The following TEKTL1 variants were observed in gnomAD, a reference collection of about 807,000 sequenced individuals.
TEKTL1 encodes the protein tektin-like protein 1.
At chr19:15,021,316 G>A in the TEKTL1 span, 2 of 1,606,676 alleles carry the variant, frequency 1.2e-6, no homozygotes, top group South Asian at 1.1e-5. Flanking sequence ...GGGAACGGAG[G>A]ACTTGGCACC....
the TEKTL1 span, among the ~76,000 whole-genome samples, chr19:15,011,679 A>G: frequency 6.6e-6 from 1 of 150,460 alleles, no homozygotes; most frequent in African/African-American, 2.5e-5. Flanking sequence ...GGTTGCAGTG[A>G]GCCGAGATCG....
At chr19:15,014,738 C>CGGGGGGGGGGGGGGGGGGGGGG in the TEKTL1 span, among the ~76,000 whole-genome samples, 1 of 29,804 alleles carries the variant, frequency 3.4e-5, no homozygotes, top group African/African-American at 1.3e-4. Context: ...GGGCGGGGGG[C>CGGGGGGGGGGGGGGGGGGGGGG]GGGGGCTGCT....
At chr19:15,021,490 C>T in the TEKTL1 span, 7 of 1,614,200 alleles carry the variant, frequency 4.3e-6, no homozygotes, top group South Asian at 6.6e-5. Flanking sequence ...CTCGCTGGCG[C>T]AGAAGGCGAG....
the TEKTL1 span, among the ~76,000 whole-genome samples, chr19:15,020,879 CT>C: frequency 0.27 from 38,397 of 144,724 alleles, 5,253 homozygotes; most frequent in Middle Eastern, 0.31. Flanking sequence ...ACAGGCTCTG[CT>C]TTTTTTTTTT....
the TEKTL1 span, among the ~76,000 whole-genome samples, chr19:15,019,396 C>CA: frequency 6.6e-6 from 1 of 151,998 alleles, no homozygotes; most frequent in Non-Finnish European, 1.5e-5. Context: ...GAACTTACTA[C>CA]AAAAAAATGA....
At chr19:15,021,572 G>A in the TEKTL1 span, 8 of 1,613,236 alleles carry the variant, frequency 5.0e-6, no homozygotes, top group African/African-American at 1.3e-5. Context: ...GAGGAGACGC[G>A]GACTGGGAGC....
chr19:15,013,517 G>C, the TEKTL1 span, among the ~76,000 whole-genome samples: 7 of 152,010 alleles, frequency 4.6e-5, no homozygotes, highest in South Asian at 1.0e-3. Context: ...CCTTCTCAAA[G>C]AGTGAGACAC....
chr19:15,012,199 G>T, the TEKTL1 span, among the ~76,000 whole-genome samples: 3 of 152,032 alleles, frequency 2.0e-5, no homozygotes, highest in African/African-American at 7.2e-5. Context: ...GTTTGAGGCT[G>T]CAGTAAGCTA....
chr19:15,013,853 TG>T, the TEKTL1 span: 12 of 833,370 alleles, frequency 1.4e-5, no homozygotes, highest in South Asian at 1.3e-4. Context: ...CACTCTGACC[TG>T]GGGACTGTCA....
the TEKTL1 span, chr19:15,021,726 G>T: frequency 6.2e-6 from 10 of 1,613,620 alleles, no homozygotes; most frequent in Non-Finnish European, 8.5e-6. Flanking sequence ...GGTTCGGGGT[G>T]AGAGCCTTCG....
the TEKTL1 span, among the ~76,000 whole-genome samples, chr19:15,018,561 A>T: frequency 6.7e-6 from 1 of 149,940 alleles, no homozygotes; most frequent in Non-Finnish European, 1.5e-5. Flanking sequence ...TTAAAAAAAA[A>T]TAATTAGCCA....
the TEKTL1 span, chr19:15,021,457 C>T: frequency 6.2e-7 from 1 of 1,614,226 alleles, no homozygotes; most frequent in South Asian, 1.1e-5. Context: ...GCAACAGCTG[C>T]AGATAAGCGA....
chr19:15,013,541 TGAGA>T, the TEKTL1 span: 1 of 647,204 alleles, frequency 1.5e-6, no homozygotes, highest in Non-Finnish European at 2.6e-6. Context: ...ACCCAAAGGA[TGAGA>T]GTACCCTCAA....
At chr19:15,011,034 C>A in the TEKTL1 span, 1 of 1,578,884 alleles carries the variant, frequency 6.3e-7, no homozygotes. Context: ...TACATCCAGC[C>A]CTGGCGCTTC....
the TEKTL1 span, chr19:15,020,787 G>A: frequency 1.3e-6 from 1 of 751,240 alleles, no homozygotes; most frequent in Middle Eastern, 3.8e-4. Context: ...AGGACTGAAA[G>A]CCTATCATGC....
the TEKTL1 span, among the ~76,000 whole-genome samples, chr19:15,016,411 A>C: frequency 1.1e-5 from 1 of 94,766 alleles, no homozygotes; most frequent in Non-Finnish European, 2.1e-5. Flanking sequence ...GCTGGTCTCA[A>C]ACTCCTGACC....
At chr19:15,010,951 G>T in the TEKTL1 span, 1 of 1,590,442 alleles carries the variant, frequency 6.3e-7, no homozygotes. Flanking sequence ...GCGGGCAGGA[G>T]GCGGTGACCA....
the TEKTL1 span, among the ~76,000 whole-genome samples, chr19:15,019,652 G>T: frequency 6.6e-6 from 1 of 152,028 alleles, no homozygotes; most frequent in Non-Finnish European, 1.5e-5. Flanking sequence ...TTTTGTGAAA[G>T]AAAATATTTA....
At chr19:15,018,874 A>G in the TEKTL1 span, among the ~76,000 whole-genome samples, 1 of 151,208 alleles carries the variant, frequency 6.6e-6, no homozygotes, top group Non-Finnish European at 1.5e-5. Context: ...GTTTGCAGGA[A>G]TATCTATTCA....
Sources: allele counts gnomAD v4.1 joint callset (sites outside exome capture counted in the v4.1 genomes callset), GRCh38; gene constraint gnomAD v4.1.1; transcripts MANE v1.5; gene names NCBI Gene and HGNC (gene_info 2026-07-23, HGNC 2026-07-21).